The following KIF1A variants were observed in gnomAD, a reference collection of about 807,000 sequenced individuals.
KIF1A encodes the protein kinesin family member 1A, also known as kinesin-like protein KIF1A.
In KIF1A, 46 loss-of-function variants were observed where a neutral mutation model predicts 227.3. The ratio of observed to expected loss-of-function variants is 0.20; its 90% confidence interval spans 0.16 to 0.26. The LOEUF (loss-of-function observed/expected upper bound fraction) is 0.26. KIF1A is among the 10% of genes least tolerant of loss of function. The pLI is 1.00. For synonymous variants in KIF1A, 1,022 were observed against 1,012.8 expected, an observed-to-expected ratio of 1.01 and a Z score of -0.17; for missense variants, 1,683 against 2,485.9, an observed-to-expected ratio of 0.68 and a Z score of 6.87.
Position 240,788,463 on chromosome 2 carries a change from G to A in KIF1A, c.184-233C>T, listed in dbSNP as rs138539676. 2.1e-3 allele frequency among the ~76,000 whole-genome samples: 317 copies of A among 152,242 alleles called. 5 individuals are homozygous for A. Among genetic ancestry groups the A allele is most frequent in the East Asian group, 3.1e-3 (16 of 5,166 alleles). ...CGGCCAGCCAGGCAGGAGGCAGGACGGGTTCCAGCAGAGGGAACAGCATGT... is the reference window on the plus strand; with the variant it reads ...CGGCCAGCCAGGCAGGAGGCAGGACAGGTTCCAGCAGAGGGAACAGCATGT... On this transcript the variant is annotated intron_variant, in intron 3 of 48. Transcript: ENST00000498729. The surrounding 1 kb of genome is among the most constrained non-coding windows in gnomAD (Gnocchi z 6.6).
At chr2:240,719,408 C>T (rs1184149357) in intron 46 of KIF1A, among the ~76,000 whole-genome samples, 1 of 152,206 alleles carries the variant, frequency 6.6e-6, no homozygotes, top group Non-Finnish European at 1.5e-5. Flanking sequence ...CCTCAGTTTC[C>T]CCACCATAAA....
At chr2:240,763,387 C>CT (rs2050766940) in intron 20 of KIF1A, 41 bp from the exon 21 acceptor site, 1 of 1,525,780 alleles carries the variant, frequency 6.6e-7, no homozygotes, top group Non-Finnish European at 8.8e-7. Flanking sequence ...GGATGGGGAT[C>CT]TTCAGGTCCC....
intron 28 of KIF1A, among the ~76,000 whole-genome samples, chr2:240,748,434 C>T (rs1389512422): frequency 5.3e-5 from 8 of 152,202 alleles, no homozygotes; most frequent in Non-Finnish European, 1.0e-4. Flanking sequence ...GCCGGCCCCA[C>T]GGCCTCTGGT....
At chr2:240,722,770 C>G (rs1006720564) in intron 42 of KIF1A, 114 bp from the exon 43 acceptor site, 1 of 807,304 alleles carries the variant, frequency 1.2e-6, no homozygotes, top group African/African-American at 1.8e-5. Flanking sequence ...GCCCACCCTC[C>G]CCTGGGCTAA....
At chr2:240,781,690 T>G in intron 10 of KIF1A, 1 of 897,346 alleles carries the variant, frequency 1.1e-6, no homozygotes, top group Non-Finnish European at 1.3e-6. Flanking sequence ...TCTCCCGCAG[T>G]CCCACGCAGT....
rs2054540799 is a variant in KIF1A, at chr2:240,784,979, AC to A, written c.720+9del. 4 of 1,607,516 alleles carry A rather than the reference AC, an allele frequency of 2.5e-6. No homozygotes were observed. The East Asian group carries it at 8.9e-5, about 36-fold the overall frequency. On this transcript the variant is annotated intron_variant, in intron 7 of 48. Coordinates refer to ENST00000498729, the MANE Select transcript of KIF1A (RefSeq NM_001244008.2). ...CCTTGGTGGCACCGCCTGTGAGGCC[AC>A]TCACTCACCTTCTCCGTGGTGATAT...
intron 23 of KIF1A, among the ~76,000 whole-genome samples, chr2:240,761,820 C>T (rs1212619383): frequency 1.3e-5 from 2 of 152,166 alleles, no homozygotes; most frequent in African/African-American, 2.4e-5. Flanking sequence ...GGAGCAACAC[C>T]GTCAATGACA....
chr2:240,805,080 GGGGAGGGAGAGGGGAGGGAGAGGGGA>G (rs1559543942), intron 1 of KIF1A, among the ~76,000 whole-genome samples: 1 of 41,354 alleles, frequency 2.4e-5, no homozygotes. Context: ...GGCAGGGAGA[GGGGAGGGAGAGGGGAGGGAGAGGGGA>G]GGGAGGGAGA....
rs1469725451 is a variant in KIF1A, at chr2:240,773,117, C to G, written c.1177G>C (p.Asp393His). Reference sequence around the variant, plus strand: ...ACAGGCTGGAGCAGGCACTCACTGTCAGTGATGTCGCCAAGACCCTGGGCG... The same window carrying G: ...ACAGGCTGGAGCAGGCACTCACTGTGAGTGATGTCGCCAAGACCCTGGGCG... ...LYAQGLGDITDTNTVPGGPKL... is the reference protein window; with the variant it reads ...LYAQGLGDITHTNTVPGGPKL... The change falls in exon 13 of 49, where the codon GAC becomes CAC. Residue 393 changes from aspartate to histidine, a missense_variant. Around this residue, in one of 12 missense-constraint regions of KIF1A, gnomAD observed 110 missense variants for 133.1 expected, o/e 0.83. Transcript: ENST00000498729. 3.0e-5 allele frequency: 48 copies of G among 1,611,634 alleles called. No individual in the cohort carries two copies. Among genetic ancestry groups the G allele is most frequent in the Non-Finnish European group, 3.9e-5 (46 of 1,178,928 alleles).
chr2:240,783,888 A>T, intron 7 of KIF1A, 72 bp from the exon 8 acceptor site: 2 of 1,160,152 alleles, frequency 1.7e-6, no homozygotes, highest in Non-Finnish European at 2.5e-6. Context: ...CCCCTGGGCA[A>T]GGTCTCCACA....
chr2:240,763,401 T>C, intron 20 of KIF1A, 55 bp from the exon 21 acceptor site: 1 of 1,494,666 alleles, frequency 6.7e-7, no homozygotes, highest in East Asian at 2.5e-5. Flanking sequence ...AGGTCCCTGA[T>C]GGTCTCAAGC....
chr2:240,798,417 C>G (rs746187684), intron 1 of KIF1A, among the ~76,000 whole-genome samples: 1 of 152,220 alleles, frequency 6.6e-6, no homozygotes, highest in Non-Finnish European at 1.5e-5. Flanking sequence ...TGGTAATTCA[C>G]GCAGAAGGTG....
intron 44 of KIF1A, 82 bp downstream of exon 44, chr2:240,721,725 G>T: frequency 8.9e-7 from 1 of 1,122,766 alleles, no homozygotes; most frequent in Non-Finnish European, 1.3e-6. Context: ...TTCCCACTTG[G>T]AATGGGAGTT....
At chr2:240,727,194 C>T (rs2046117727) in intron 38 of KIF1A, among the ~76,000 whole-genome samples, 1 of 152,174 alleles carries the variant, frequency 6.6e-6, no homozygotes, top group South Asian at 2.1e-4. Context: ...CAAATGGTGC[C>T]CCAGCTGTCA....
chr2:240,780,884 CCA>C lies in KIF1A; in HGVS notation c.882+1704_882+1705del, dbSNP rs1215955243. Among the ~76,000 whole-genome samples, 24 of 52,278 alleles carry C rather than the reference CCA, an allele frequency of 4.6e-4. No individual in the cohort carries two copies. The African/African-American group carries it at 5.6e-3, about 12-fold the overall frequency. 34.3% of individuals were successfully genotyped at this position (52,278 alleles called of 152,430 possible). A position where few individuals can be genotyped will look rare whatever the true frequency, so the allele number is the denominator to read the frequency against. Reference sequence around the variant, plus strand: ...CACACAGCTCCACACACACACAGCTCCACACACACACACACAGCTCCACACAC... The same window carrying C: ...CACACAGCTCCACACACACACAGCTCCACACACACACACAGCTCCACACAC... On this transcript the variant is annotated intron_variant, in intron 10 of 48. Transcript: ENST00000498729.
intron 2 of KIF1A, among the ~76,000 whole-genome samples, chr2:240,797,399 G>C (rs1443296506): frequency 6.6e-6 from 1 of 152,158 alleles, no homozygotes; most frequent in African/African-American, 2.4e-5. Flanking sequence ...GAGAGAGTGA[G>C]GCCCTGCTGG....
chr2:240,744,542 G>T (rs1430680625), intron 32 of KIF1A, among the ~76,000 whole-genome samples: 1 of 152,166 alleles, frequency 6.6e-6, no homozygotes, highest in African/African-American at 2.4e-5. Flanking sequence ...ATCAGAGTAG[G>T]TCCCAATCCA....
Position 240,766,741 on chromosome 2 carries a change from T to TCACACA in KIF1A, c.1684+173_1684+174insTGTGTG, listed in dbSNP as rs71049519. 6.1e-3 allele frequency among the ~76,000 whole-genome samples: 688 copies of TCACACA among 112,468 alleles called. 3 individuals are homozygous for TCACACA. Among genetic ancestry groups the TCACACA allele is most frequent in the Middle Eastern group, 0.022 (5 of 230 alleles). The allele number at this position is 112,468 out of a possible 152,430, so 73.8% of individuals were successfully genotyped here. A position where few individuals can be genotyped will look rare whatever the true frequency, so the allele number is the denominator to read the frequency against. On this transcript the variant is annotated intron_variant, in intron 19 of 48. Transcript: ENST00000498729. The surrounding 1 kb of genome is among the most constrained non-coding windows in gnomAD (Gnocchi z 5.0). Reference sequence around the variant, plus strand: ...CTCCAAATCTCTCTCTCTCTCTCTCTCTCTCTCTCACACACACACACACAC... The same window carrying TCACACA: ...CTCCAAATCTCTCTCTCTCTCTCTCTCACACACTCTCTCTCACACACACACACACAC...
chr2:240,818,507 C>A (rs570400870), intron 1 of KIF1A, among the ~76,000 whole-genome samples: 19 of 152,234 alleles, frequency 1.2e-4, no homozygotes, highest in Non-Finnish European at 2.8e-4. Flanking sequence ...CCATCCCACA[C>A]CCTGCACCGC....
Sources: gnomAD v4.1 joint callset for allele counts (sites outside exome capture counted in the v4.1 genomes callset) on GRCh38, gnomAD v4.1.1 for gene constraint, gnomAD v4.1.1 regional missense constraint, Gnocchi (gnomAD v3.1) non-coding constraint, MANE v1.5 for transcripts, NCBI Gene and HGNC (gene_info 2026-07-23, HGNC 2026-07-21) for gene names.